The following CAMTA1 variants were observed in gnomAD, a reference collection of about 807,000 sequenced individuals.
CAMTA1 encodes calmodulin-binding transcription activator 1.
Under a neutral mutation model 170.9 loss-of-function variants are expected in CAMTA1, and 27 were observed. The ratio of observed to expected loss-of-function variants is 0.16; its 90% confidence interval spans 0.12 to 0.22. The LOEUF (loss-of-function observed/expected upper bound fraction) is 0.22. Among genes scored for constraint, CAMTA1 ranks in the 10% least tolerant of loss-of-function variants. The pLI, the probability that CAMTA1 is intolerant of heterozygous loss-of-function variation, is 1.00. For synonymous variants in CAMTA1, 833 were observed against 891.5 expected, an observed-to-expected ratio of 0.93 and a Z score of 1.17; for missense variants, 1,619 against 2,217.2, an observed-to-expected ratio of 0.73 and a Z score of 5.42.
At chr1:6,859,314 G>A (rs773813476) in intron 3 of CAMTA1, among the ~76,000 whole-genome samples, 1 of 152,156 alleles carries the variant, frequency 6.6e-6, no homozygotes, top group African/African-American at 2.4e-5. Flanking sequence ...GTCAGTGCCT[G>A]TGTGTGGGTA....
chr1:7,646,787 C>G (rs1484775936), intron 7 of CAMTA1, among the ~76,000 whole-genome samples: 1 of 150,992 alleles, frequency 6.6e-6, no homozygotes, highest in African/African-American at 2.4e-5. Context: ...GAATGGAGGC[C>G]CTAGTGAGTG....
Position 7,744,892 on chromosome 1 carries a change from C to G in CAMTA1, c.4240C>G (p.Gln1414Glu), listed in dbSNP as rs971569380. The G allele has an allele frequency of 6.2e-7, 1 of 1,614,034 alleles. No homozygotes were observed. The highest frequency in any genetic ancestry group is 1.1e-5 in the South Asian group (1 of 91,068). Residue 1414 changes from glutamine (Q) to glutamate (E), a missense_variant, in exon 17 of 23, where the codon CAG (glutamine) becomes GAG (glutamate). Physicochemically the swap from Gln to Glu is conservative, Grantham distance 29. Around this residue, in one of 8 missense-constraint regions of CAMTA1, gnomAD observed 370 missense variants for 429.4 expected, o/e 0.86. Coordinates refer to ENST00000303635, the MANE Select transcript of CAMTA1 (RefSeq NM_015215.4). ...IIEATPDRIKQENFVPMESSG... is the reference protein window; with the variant it reads ...IIEATPDRIKEENFVPMESSG... ...TGAAGCCACACCTGACCGAATCAAG[C>G]AGGAGAATTTTGTGCCCATGGAGTC... is the stretch of plus-strand genomic sequence containing the variant.
Position 6,887,348 on chromosome 1 carries a change from A to G in CAMTA1, c.234+62138A>G, listed in dbSNP as rs1005584305. Reference sequence around the variant, plus strand: ...TTGTGGCCTCTTAAAGATAAAACCTACAACCCAATAAAAGTCATGCTGTAA... The same window carrying G: ...TTGTGGCCTCTTAAAGATAAAACCTGCAACCCAATAAAAGTCATGCTGTAA... On this transcript the variant is annotated intron_variant, in intron 3 of 22. Coordinates refer to ENST00000303635, the MANE Select transcript of CAMTA1 (RefSeq NM_015215.4). This position sits in a 1 kb window ranked among gnomAD's most constrained non-coding sequence, Gnocchi z 4.1. 4.6e-5 allele frequency among the ~76,000 whole-genome samples: 7 copies of G among 152,236 alleles called. No homozygotes were observed. Among genetic ancestry groups the G allele is most frequent in the African/African-American group, 1.7e-4 (7 of 41,458 alleles).
chr1:6,960,676 C>G (rs1192411655), intron 3 of CAMTA1, among the ~76,000 whole-genome samples: 1 of 152,204 alleles, frequency 6.6e-6, no homozygotes, highest in Non-Finnish European at 1.5e-5. Flanking sequence ...GTCTGTCTCT[C>G]CAGCTAGACA....
intron 6 of CAMTA1, among the ~76,000 whole-genome samples, chr1:7,492,794 C>A (rs2093736754): frequency 7.4e-6 from 1 of 135,272 alleles, no homozygotes; most frequent in Non-Finnish European, 1.5e-5. Context: ...CAAACACAAA[C>A]CTACGTATAC....
intron 3 of CAMTA1, among the ~76,000 whole-genome samples, chr1:6,940,819 C>T (rs1285855703): frequency 1.6e-5 from 1 of 61,114 alleles, no homozygotes; most frequent in Non-Finnish European, 3.3e-5. Flanking sequence ...CCGACACCCA[C>T]CTCTTCATCT....
At chr1:7,084,445 G>A (rs1640447671) in intron 3 of CAMTA1, among the ~76,000 whole-genome samples, 2 of 152,160 alleles carry the variant, frequency 1.3e-5, no homozygotes, top group Non-Finnish European at 2.9e-5. Flanking sequence ...TTCTGGGGAG[G>A]GAGTGGGGGC....
intron 6 of CAMTA1, among the ~76,000 whole-genome samples, chr1:7,559,430 G>T (rs1296330619): frequency 6.6e-6 from 1 of 152,208 alleles, no homozygotes; most frequent in Non-Finnish European, 1.5e-5. Flanking sequence ...GCCAGGGGCT[G>T]CTTGGCAACA....
chr1:7,633,334 G>C lies in CAMTA1; in HGVS notation c.511-7066G>C, dbSNP rs766720586. ...TCCAAATGCATTTCCAGGAGGCACAGCTGGGTTAAGGGACAAGCTGAACTT... is the reference window on the plus strand; with the variant it reads ...TCCAAATGCATTTCCAGGAGGCACACCTGGGTTAAGGGACAAGCTGAACTT... On this transcript the variant is annotated intron_variant, in intron 6 of 22. Transcript: ENST00000303635. This position sits in a 1 kb window ranked among gnomAD's most constrained non-coding sequence, Gnocchi z 4.1. 6.6e-6 allele frequency among the ~76,000 whole-genome samples: 1 copy of C among 152,196 alleles called. No individual in the cohort carries two copies. The highest frequency in any genetic ancestry group is 1.5e-5 in the Non-Finnish European group (1 of 68,038).
intron 3 of CAMTA1, among the ~76,000 whole-genome samples, chr1:6,994,713 A>G (rs183062399): frequency 3.9e-5 from 6 of 151,938 alleles, no homozygotes; most frequent in African/African-American, 1.4e-4. Context: ...TATCACCCAG[A>G]CTAGAGTTCA....
At chr1:6,917,851 C>T (rs112297431) in intron 3 of CAMTA1, among the ~76,000 whole-genome samples, 9 of 29,670 alleles carry the variant, frequency 3.0e-4, no homozygotes, top group East Asian at 7.3e-4. Context: ...CCATCGGGGG[C>T]GGGGGGGGAC....
intron 4 of CAMTA1, among the ~76,000 whole-genome samples, chr1:7,204,425 A>C (rs555149403): frequency 1.3e-5 from 2 of 152,234 alleles, no homozygotes; most frequent in African/African-American, 4.8e-5. Context: ...GGCATTGATT[A>C]TGTAAGAATG....
chr1:7,293,399 GC>G lies in CAMTA1; in HGVS notation c.438+43776del, dbSNP rs1276356148. On this transcript the variant is annotated intron_variant, in intron 5 of 22. Transcript: ENST00000303635. The surrounding 1 kb of genome is among the most constrained non-coding windows in gnomAD (Gnocchi z 4.1). ...TTCTCTGGCACTCGGTGTGAGCAAA[GC>G]CCATTTGGTCGTTTGTCAGTGAAGA... Among the ~76,000 whole-genome samples, 2 of 152,166 alleles carry G rather than the reference GC, an allele frequency of 1.3e-5. No individual in the cohort carries two copies. The highest frequency in any genetic ancestry group is 1.5e-5 in the Non-Finnish European group (1 of 68,030).
chr1:6,891,827 C>T (rs7556557), intron 3 of CAMTA1, among the ~76,000 whole-genome samples: 28,735 of 152,184 alleles, frequency 0.19, 2,781 homozygotes, highest in East Asian at 0.29. Flanking sequence ...TGTACTTCTG[C>T]AGTTTAAGAA....
chr1:7,701,803 T>C (rs1412364456), intron 11 of CAMTA1, among the ~76,000 whole-genome samples: 3 of 152,116 alleles, frequency 2.0e-5, no homozygotes, highest in African/African-American at 7.2e-5. Flanking sequence ...TTCTCTATTT[T>C]ACAAAACAAC....
intron 5 of CAMTA1, among the ~76,000 whole-genome samples, chr1:7,452,067 G>T (rs1468451623): frequency 1.3e-5 from 2 of 152,226 alleles, no homozygotes; most frequent in Non-Finnish European, 2.9e-5. Context: ...CAGGCCGGGG[G>T]GCTAACCCCC....
intron 3 of CAMTA1, among the ~76,000 whole-genome samples, chr1:6,850,053 A>C (rs1016694358): frequency 1.3e-4 from 20 of 151,974 alleles, no homozygotes; most frequent in African/African-American, 4.6e-4. Flanking sequence ...AAAAAAAAAA[A>C]AAAGTTAGTT....
At chr1:6,986,502 G>A (rs1695386281) in intron 3 of CAMTA1, among the ~76,000 whole-genome samples, 1 of 152,152 alleles carries the variant, frequency 6.6e-6, no homozygotes, top group African/African-American at 2.4e-5. Flanking sequence ...TTACAAAGGA[G>A]TCGGATGCCA....
chr1:7,704,622 A>G (rs1488947606), intron 11 of CAMTA1, among the ~76,000 whole-genome samples: 14 of 148,286 alleles, frequency 9.4e-5, no homozygotes, highest in Non-Finnish European at 2.1e-4. Context: ...GTGACGTCGC[A>G]TCCTCCGATT....
Sources: allele counts gnomAD v4.1 joint callset (sites outside exome capture counted in the v4.1 genomes callset), GRCh38; gene constraint gnomAD v4.1.1; regional missense constraint gnomAD v4.1.1; non-coding constraint Gnocchi (gnomAD v3.1); transcripts MANE v1.5; gene names NCBI Gene and HGNC (gene_info 2026-07-23, HGNC 2026-07-21).